The following SORCS1 variants were observed in gnomAD, a reference collection of about 807,000 sequenced individuals.
SORCS1 encodes sortilin related VPS10 domain containing receptor 1.
SORCS1 carries 60 observed loss-of-function variants against 146.1 expected under a neutral mutation model. That is an observed-to-expected ratio of 0.41 (90% confidence interval 0.33 to 0.51). SORCS1 has a LOEUF of 0.51. SORCS1 is among the 20% of genes least tolerant of loss of function. The probability of loss-of-function intolerance (pLI) is 0.21; values close to 1 mark genes in which losing one functional copy is unlikely to be tolerated. For synonymous variants in SORCS1, 637 were observed against 584.0 expected (o/e 1.09, Z -1.31); for missense variants, 1,352 against 1,487.6 (o/e 0.91, Z 1.50).
intron 1 of SORCS1, among the ~76,000 whole-genome samples, chr10:107,039,332 G>GA (rs58915918): frequency 0.63 from 69,020 of 109,972 alleles, 20,049 homozygotes; most frequent in East Asian, 0.87. Context: ...CTCAAATAAA[G>GA]AAAAAAAAAA....
chr10:106,732,128 A>G (rs3850682), intron 5 of SORCS1, among the ~76,000 whole-genome samples: 63,826 of 151,738 alleles, frequency 0.42, 13,401 homozygotes, highest in South Asian at 0.46. Context: ...ATCGCTGTCA[A>G]TAAGTTTTCT....
At chr10:106,822,085 C>A (rs760660115) in intron 3 of SORCS1, among the ~76,000 whole-genome samples, 9 of 151,754 alleles carry the variant, frequency 5.9e-5, no homozygotes, top group South Asian at 4.2e-4. Context: ...ACTGCCTGAA[C>A]CTGATTTATC....
intron 2 of SORCS1, among the ~76,000 whole-genome samples, chr10:106,929,447 T>A (rs1953271034): frequency 2.0e-5 from 3 of 152,178 alleles, no homozygotes; most frequent in African/African-American, 7.2e-5. Flanking sequence ...AGATGTGGCT[T>A]ATGTTTACTT....
intron 1 of SORCS1, among the ~76,000 whole-genome samples, chr10:106,967,152 T>C (rs1040924294): frequency 4.0e-5 from 6 of 151,264 alleles, no homozygotes; most frequent in African/African-American, 1.5e-4. Flanking sequence ...AATCTATTAA[T>C]TTCACATTGC....
chr10:106,617,422 T>A (rs1847445893), intron 21 of SORCS1, among the ~76,000 whole-genome samples: 1 of 152,224 alleles, frequency 6.6e-6, no homozygotes, highest in Admixed American at 6.5e-5. Flanking sequence ...TTTTGCCATG[T>A]ACTAGTAACA....
chr10:106,904,972 C>T (rs1341140350), intron 2 of SORCS1, among the ~76,000 whole-genome samples: 5 of 152,248 alleles, frequency 3.3e-5, no homozygotes, highest in East Asian at 1.9e-4. Flanking sequence ...AATGAAAATG[C>T]AAATATTGCT....
chr10:107,174,283 G>T, the SORCS1 span, among the ~76,000 whole-genome samples: 1 of 152,116 alleles, frequency 6.6e-6, no homozygotes, highest in Non-Finnish European at 1.5e-5. Context: ...TCGGCTCACT[G>T]CAAGCTTCGC....
intron 1 of SORCS1, among the ~76,000 whole-genome samples, chr10:107,039,508 T>C (rs1402597170): frequency 6.6e-6 from 1 of 152,200 alleles, no homozygotes; most frequent in East Asian, 1.9e-4. Context: ...AATGTTCTGG[T>C]CTGATTCTTT....
Position 107,060,090 on chromosome 10 carries a change from TCTAG to T in SORCS1, c.559-103514_559-103511del, listed in dbSNP as rs1379052889. 5.3e-5 allele frequency among the ~76,000 whole-genome samples: 8 copies of T among 152,072 alleles called. No homozygotes were observed. The highest frequency in any genetic ancestry group is 1.0e-4 in the Non-Finnish European group (7 of 68,016). On this transcript the variant is annotated intron_variant, in intron 1 of 25. Transcript: ENST00000263054. The surrounding 1 kb of genome is among the most constrained non-coding windows in gnomAD (Gnocchi z 4.1). Reference sequence around the variant, plus strand: ...TATCATTGATAGCACATAGCTGTACTCTAGCTGACAAATCGCCTGCCAGACCTCA... The same window carrying T: ...TATCATTGATAGCACATAGCTGTACTCTGACAAATCGCCTGCCAGACCTCA...
intron 2 of SORCS1, among the ~76,000 whole-genome samples, chr10:106,861,614 G>A (rs753548682): frequency 4.6e-5 from 7 of 152,020 alleles, no homozygotes; most frequent in South Asian, 4.1e-4. Flanking sequence ...TCAATTGGCC[G>A]GGCGCAGTCC....
intron 1 of SORCS1, among the ~76,000 whole-genome samples, chr10:106,986,890 A>C (rs1255736023): frequency 1.3e-5 from 2 of 152,120 alleles, no homozygotes; most frequent in African/African-American, 4.8e-5. Flanking sequence ...TAAGCCCTTA[A>C]ACATATTTGC....
intron 1 of SORCS1, among the ~76,000 whole-genome samples, chr10:107,007,857 G>A (rs777651648): frequency 2.0e-5 from 3 of 152,096 alleles, no homozygotes; most frequent in Non-Finnish European, 2.9e-5. Flanking sequence ...AATAACAAAC[G>A]AACATACAAC....
intron 18 of SORCS1, among the ~76,000 whole-genome samples, chr10:106,637,235 T>C (rs920000060): frequency 3.3e-5 from 5 of 152,194 alleles, no homozygotes; most frequent in Admixed American, 6.5e-5. Flanking sequence ...CTATCTTCTG[T>C]TCCCAAGCAA....
chr10:107,132,592 A>G (rs1295915679), intron 1 of SORCS1, among the ~76,000 whole-genome samples: 1 of 152,200 alleles, frequency 6.6e-6, no homozygotes, highest in Admixed American at 6.5e-5. Flanking sequence ...TTATCTCCGT[A>G]CTGTCAATGA....
intron 19 of SORCS1, among the ~76,000 whole-genome samples, chr10:106,622,188 G>T (rs1847791839): frequency 6.6e-6 from 1 of 150,786 alleles, no homozygotes; most frequent in Non-Finnish European, 1.5e-5. Flanking sequence ...TACTCAGGAG[G>T]CTGAGGCAGG....
intron 18 of SORCS1, among the ~76,000 whole-genome samples, chr10:106,648,297 T>C (rs1849604858): frequency 6.6e-6 from 1 of 152,240 alleles, no homozygotes; most frequent in African/African-American, 2.4e-5. Flanking sequence ...TAAGATTCTC[T>C]TACTACTTCT....
At chr10:106,658,068 T>C (rs764481897) in intron 17 of SORCS1, among the ~76,000 whole-genome samples, 3 of 152,302 alleles carry the variant, frequency 2.0e-5, no homozygotes, top group Non-Finnish European at 2.9e-5. Flanking sequence ...CGTCTTAAGA[T>C]GAAATCCAAT....
At chr10:106,760,891 G>C (rs1859056944) in intron 5 of SORCS1, among the ~76,000 whole-genome samples, 1 of 152,126 alleles carries the variant, frequency 6.6e-6, no homozygotes, top group Non-Finnish European at 1.5e-5. Context: ...TGGACCACTT[G>C]AGGTCAGGAG....
In SORCS1 at chr10:106,744,348, G is replaced by A. The variant is rs540596656; in HGVS notation, c.960-14234C>T. On this transcript the variant is annotated intron_variant, in intron 5 of 25. Transcript: ENST00000263054. ...TCTCAATCTCCTGACCTCGTGATCC[G>A]CCCACCTCGGCCTCTCAAAGTCCTG... is the stretch of plus-strand genomic sequence containing the variant. Among the ~76,000 whole-genome samples, 80 of 152,102 alleles carry A rather than the reference G, an allele frequency of 5.3e-4. 1 individual carries two copies. Among genetic ancestry groups the A allele is most frequent in the South Asian group, 1.0e-3 (5 of 4,810 alleles).
Sources: gnomAD v4.1 joint callset for allele counts (sites outside exome capture counted in the v4.1 genomes callset) on GRCh38, gnomAD v4.1.1 for gene constraint, Gnocchi (gnomAD v3.1) non-coding constraint, MANE v1.5 for transcripts, NCBI Gene and HGNC (gene_info 2026-07-23, HGNC 2026-07-21) for gene names.